Variants in FLII observed in about 807,000 individuals in gnomAD.
FLII encodes protein flightless-1 homolog.
FLII carries 101 observed loss-of-function variants against 156.2 expected under a neutral mutation model. The observed-to-expected ratio is 0.65, with a 90% CI of 0.55 to 0.76. The LOEUF (loss-of-function observed/expected upper bound fraction) is 0.76. Among genes scored for constraint, FLII ranks in the 30% least tolerant of loss-of-function variants. FLII has a pLI of 0.00. For synonymous variants in FLII, 767 were observed against 685.8 expected, an observed-to-expected ratio of 1.12 and a Z score of -1.85; for missense variants, 1,675 against 1,682.8, an observed-to-expected ratio of 1.00 and a Z score of 0.08.
rs1473375630 is a variant in FLII at position 18,246,314 on chromosome 17, C to T, written c.3200G>A (p.Cys1067Tyr). Residue 1067 changes from cysteine (C) to tyrosine (Y), a missense_variant, in exon 24 of 30, where the codon TGC becomes TAC. Physicochemically the swap from Cys to Tyr is radical, Grantham distance 194. This residue lies in a region of FLII where 1,332 missense variants were observed against 1,269.3 expected (regional missense o/e 1.05). Coordinates refer to ENST00000327031, the MANE Select transcript of FLII (RefSeq NM_002018.4). ...TCCTCCCCCAGCCAGGCACCGGGTG[C>T]AGAGGGCGCTGCCGTTGGTGCGGAT... Reference protein sequence around the residue: ...YQIRTNGSALCTRCIQINTDS... With the variant: ...YQIRTNGSALYTRCIQINTDS... 4 of 1,613,710 alleles carry T rather than the reference C, an allele frequency of 2.5e-6. No homozygotes were observed. In the African/African-American group the frequency reaches 5.3e-5, roughly 22 times the overall value.
chr17:18,249,633 T>C (rs1179785014), intron 14 of FLII, among the ~76,000 whole-genome samples: 1 of 150,182 alleles, frequency 6.7e-6, no homozygotes, highest in Non-Finnish European at 1.5e-5. Flanking sequence ...CTACTAAAAA[T>C]ACATAAATTA....
chr17:18,251,921 T>G, intron 11 of FLII, 78 bp downstream of exon 11: 1 of 1,603,300 alleles, frequency 6.2e-7, no homozygotes, highest in Non-Finnish European at 8.5e-7. Context: ...GAAAGCTGTA[T>G]GCCACCCAAT....
Position 18,254,981 on chromosome 17 carries a change from G to A in FLII, c.328-127C>T, listed in dbSNP as rs554437869. The A allele has an allele frequency of 1.1e-5, 11 of 1,011,070 alleles. No homozygotes were observed. In the African/African-American group the frequency reaches 1.7e-4, roughly 16 times the overall value. The allele number at this position is 1,011,070 out of a possible 1,614,324, so 62.6% of individuals were successfully genotyped here. On this transcript the variant is annotated intron_variant, in intron 4 of 29. Transcript: ENST00000327031. ...GATGAGGGGGCTTCAGGGCCAAAGG[G>A]AGACAGCCAGGGACTTGGGAGGAAG...
rs1403712148 is a variant in FLII, at chr17:18,256,897, A to C, written c.174+12T>G. 6.3e-7 allele frequency: 1 copy of C among 1,585,098 alleles called. No individual in the cohort carries two copies. The highest frequency in any genetic ancestry group is 1.7e-5 in the Admixed American group (1 of 57,786). On this transcript the variant is annotated intron_variant, in intron 2 of 29. Transcript: ENST00000327031. ...CACAGGGACCCTCCCCTGCCCGCCC[A>C]AACCCCCTTACCAGCTTCTGCAGGG... is the stretch of plus-strand genomic sequence containing the variant.
intron 4 of FLII, 137 bp downstream of exon 4, chr17:18,255,046 G>A (rs1003628440): frequency 2.4e-5 from 22 of 921,210 alleles, no homozygotes; most frequent in Non-Finnish European, 4.0e-5. Context: ...AGTGACCTCA[G>A]GCAAGGTATT....
Position 18,245,139 on chromosome 17 carries a change from T to C in FLII, c.3809A>G (p.Ter1270=), listed in dbSNP as rs1225137098. The change falls in exon 30 of 30, where the codon TAA becomes TGA. Residue 1270 remains the stop codon, a stop_retained_variant. Coordinates refer to ENST00000327031, the MANE Select transcript of FLII (RefSeq NM_002018.4). ...AGCCTGGGGCTGTGCCAGCCTGTCTTAGGCCAGGGCCTTGCAGAAGGCGCT... is the reference window on the plus strand; with the variant it reads ...AGCCTGGGGCTGTGCCAGCCTGTCTCAGGCCAGGGCCTTGCAGAAGGCGCT... ...AWSAFCKALA[*] 3 of 1,611,058 alleles carry C rather than the reference T, an allele frequency of 1.9e-6. No homozygotes were observed. The highest frequency in any genetic ancestry group is 1.3e-5 in the African/African-American group (1 of 74,892).
chr17:18,245,815 G>T lies in FLII; in HGVS notation c.3432C>A (p.Phe1144Leu), dbSNP rs1567703297. The part of the protein sequence containing the change: ...INEGEEPENF[F>L]WVGIGAQKPY... Reference sequence around the variant, plus strand: ...GCTTCTGTGCCCCAATGCCCACCCAGAAGAAGTTCTCAGGCTCCTCACCTT... The same window carrying T: ...GCTTCTGTGCCCCAATGCCCACCCATAAGAAGTTCTCAGGCTCCTCACCTT... Residue 1144 changes from phenylalanine (F) to leucine (L), a missense_variant, in exon 27 of 30, where the codon TTC becomes TTA. By Grantham distance (22) the Phe-to-Leu change is conservative (BLOSUM62 0). Transcript: ENST00000327031. 1 of 1,613,884 alleles carries T rather than the reference G, an allele frequency of 6.2e-7. No individual in the cohort carries two copies. The highest frequency in any genetic ancestry group is 1.3e-5 in the African/African-American group (1 of 74,854).
At chr17:18,248,080 A>G in intron 18 of FLII, 47 bp from the exon 19 acceptor site, 5 of 1,347,068 alleles carry the variant, frequency 3.7e-6, no homozygotes, top group Non-Finnish European at 5.3e-6. Context: ...GGAGACAGGA[A>G]CCTCACCCAC....
chr17:18,256,690 C>A, intron 2 of FLII, 93 bp from the exon 3 acceptor site: 1 of 1,150,078 alleles, frequency 8.7e-7, no homozygotes, highest in Non-Finnish European at 1.3e-6. Flanking sequence ...CCAGGAAGGC[C>A]TCAGCCACAC....
In FLII at chr17:18,248,845, A is replaced by C; in HGVS notation, c.1973T>G (p.Val658Gly). ...CAGTGTGGCCTGGGCCCCCCGCCAT[A>C]CGTAGATGTCTAGCCCTCGGTCCAG... The part of the protein sequence containing the change: ...FLLDRGLDIY[V>G]WRGAQATLSS... Residue 658 changes from valine (V) to glycine (G), a missense_variant, in exon 17 of 30, where the codon GTA becomes GGA. Physicochemically the swap from Val to Gly is moderately radical, Grantham distance 109 (BLOSUM62 -3). Around this residue, in one of 2 missense-constraint regions of FLII, gnomAD observed 1,332 missense variants for 1,269.3 expected, o/e 1.05. Transcript: ENST00000327031. 6.2e-7 allele frequency: 1 copy of C among 1,613,862 alleles called. No homozygotes were observed. Among genetic ancestry groups the C allele is most frequent in the African/African-American group, 1.3e-5 (1 of 74,996 alleles).
rs148630982 is a variant in FLII, at chr17:18,247,264, C to A, written c.2581G>T (p.Gly861Trp). The stretch of plus-strand genomic sequence containing the variant: ...TTCTCGGCGTCGCGTTTCACCTTCC[C>A]GGAGAGACCCGGGCTCTGCAGCACG... ...EAVLQSPGLS[G>W]KVKRDAEKKD... The change falls in exon 21 of 30, where the codon GGG becomes TGG. Residue 861 changes from glycine (G) to tryptophan (W), a missense_variant. Physicochemically the swap from Gly to Trp is radical, Grantham distance 184 (BLOSUM62 -2). Around this residue, in one of 2 missense-constraint regions of FLII, gnomAD observed 1,332 missense variants for 1,269.3 expected, o/e 1.05. Transcript: ENST00000327031. The A allele has an allele frequency of 1.4e-5, 22 of 1,611,734 alleles. No homozygotes were observed. The highest frequency in any genetic ancestry group is 1.8e-5 in the Non-Finnish European group (21 of 1,179,764).
chr17:18,245,398 G>C lies in FLII; in HGVS notation c.3631C>G (p.Gln1211Glu). 6.2e-7 allele frequency: 1 copy of C among 1,614,180 alleles called. No individual in the cohort carries two copies. Among genetic ancestry groups the C allele is most frequent in the Non-Finnish European group, 8.5e-7 (1 of 1,180,020 alleles). ...AGCTTGATCTCCACCTGGCTAGTCTGGGTCCCCACCCACATGTAGACCTGT... is the reference window on the plus strand; with the variant it reads ...AGCTTGATCTCCACCTGGCTAGTCTCGGTCCCCACCCACATGTAGACCTGT... ...GQEVYMWVGT[Q>E]TSQVEIKLSL... is the part of the protein sequence containing the mutation. Residue 1211 changes from glutamine to glutamate, a missense_variant, in exon 29 of 30, where the codon CAG (glutamine) becomes GAG (glutamate). By Grantham distance (29) the Gln-to-Glu change is conservative. This residue lies in a region of FLII where 1,332 missense variants were observed against 1,269.3 expected (regional missense o/e 1.05). Coordinates refer to ENST00000327031, the MANE Select transcript of FLII (RefSeq NM_002018.4).
At chr17:18,248,115 C>T (rs2142813138) in intron 18 of FLII, 82 bp from the exon 19 acceptor site, 2 of 919,166 alleles carry the variant, frequency 2.2e-6, no homozygotes, top group Non-Finnish European at 1.7e-6. Context: ...TGGAACCAGC[C>T]CTGCCCTGCA....
chr17:18,253,156 A>G (rs2048318888), intron 9 of FLII, 145 bp downstream of exon 9: 8 of 893,882 alleles, frequency 8.9e-6, no homozygotes, highest in Non-Finnish European at 1.3e-5. Flanking sequence ...TCTCAAAAAC[A>G]AAAAAGAAAA....
rs2048260634 is a variant in FLII, at chr17:18,251,315, C to T, written c.1546G>A (p.Glu516Lys). 15 of 1,613,866 alleles carry T rather than the reference C, an allele frequency of 9.3e-6. No homozygotes were observed. The highest frequency in any genetic ancestry group is 1.2e-5 in the Non-Finnish European group (14 of 1,180,050). The change falls in exon 13 of 30, where the codon GAA (glutamate) becomes AAA (lysine). Residue 516 changes from glutamate to lysine, a missense_variant. Glu to Lys is a moderately conservative substitution (Grantham distance 56). Transcript: ENST00000327031. ...IENFVPVLVE[E>K]AFHGKFYEAD... ...TCGTAGAACTTGCCGTGGAAGGCTT[C>T]CTCCACCAGCACAGGCACGAAGTTC...
At chr17:18,245,477 C>G in intron 28 of FLII, 58 bp from the exon 29 acceptor site, 1 of 1,612,508 alleles carries the variant, frequency 6.2e-7, no homozygotes, top group South Asian at 1.1e-5. Flanking sequence ...GCCCCTTGCT[C>G]CTGGCCCGAG....
At chr17:18,254,899 A>C (rs1190724605) in intron 4 of FLII, 45 bp from the exon 5 acceptor site, 2 of 1,577,696 alleles carry the variant, frequency 1.3e-6, no homozygotes. Flanking sequence ...TCTCCTCCCC[A>C]CCAGGCGTCT....
At chr17:18,252,219 G>T in intron 10 of FLII, 73 bp from the exon 11 acceptor site, 1 of 1,404,834 alleles carries the variant, frequency 7.1e-7, no homozygotes. Flanking sequence ...CCAGTTTCTT[G>T]CTCTTGTCTG....
intron 11 of FLII, 25 bp from the exon 12 acceptor site, chr17:18,251,841 G>C (rs1041468057): frequency 2.5e-6 from 4 of 1,612,900 alleles, no homozygotes; most frequent in East Asian, 2.2e-5. Flanking sequence ...AAACAGCTGA[G>C]CCCTCACTGG....
Sources: allele counts gnomAD v4.1 joint callset (sites outside exome capture counted in the v4.1 genomes callset), GRCh38; gene constraint gnomAD v4.1.1; regional missense constraint gnomAD v4.1.1; transcripts MANE v1.5; gene names NCBI Gene and HGNC (gene_info 2026-07-23, HGNC 2026-07-21).